The following CDH13 variants were observed in gnomAD, a reference collection of about 807,000 sequenced individuals.
CDH13 encodes cadherin 13, also known as cadherin-13.
Under a neutral mutation model 63.8 loss-of-function variants are expected in CDH13, and 24 were observed. The observed-to-expected ratio is 0.38, with a 90% CI of 0.27 to 0.53. The LOEUF (loss-of-function observed/expected upper bound fraction) is 0.53. CDH13 is among the 20% of genes least tolerant of loss of function. The pLI, the probability that CDH13 is intolerant of heterozygous loss-of-function variation, is 0.85. For synonymous variants in CDH13, 503 were observed against 355.3 expected, an observed-to-expected ratio of 1.42 and a Z score of -4.67; for missense variants, 1,049 against 903.1, an observed-to-expected ratio of 1.16 and a Z score of -2.07.
In CDH13 at chr16:83,486,503, T is replaced by G. The variant is rs758191675; in HGVS notation, c.808T>G (p.Phe270Val). 4 of 1,613,766 alleles carry G rather than the reference T, an allele frequency of 2.5e-6. No homozygotes were observed. In the South Asian group the frequency reaches 3.3e-5, roughly 13 times the overall value. Residue 270 changes from phenylalanine (F) to valine (V), a missense_variant, in exon 7 of 14, where the codon TTT (phenylalanine) becomes GTT (valine). Physicochemically the swap from Phe to Val is conservative, Grantham distance 50. Transcript: ENST00000567109. ...CACCACAGTGATGCGGATGACAGCCTTTGATGCAGATGACCCAGCCACCGA... is the reference window on the plus strand; with the variant it reads ...CACCACAGTGATGCGGATGACAGCCGTTGATGCAGATGACCCAGCCACCGA... ...TGTTVMRMTA[F>V]DADDPATDNA...
chr16:83,729,994 A>G (rs949640872), intron 10 of CDH13, among the ~76,000 whole-genome samples: 26 of 152,214 alleles, frequency 1.7e-4, no homozygotes, highest in South Asian at 6.2e-4. Flanking sequence ...AGCCTGCCAC[A>G]TGTTTGCATG....
At chr16:82,702,110 C>T (rs1382364014) in intron 1 of CDH13, among the ~76,000 whole-genome samples, 1 of 152,202 alleles carries the variant, frequency 6.6e-6, no homozygotes, top group Non-Finnish European at 1.5e-5. Flanking sequence ...GTCCCCTGCT[C>T]TAAATGGCTC....
chr16:83,472,251 C>G (rs1328538023), intron 6 of CDH13, among the ~76,000 whole-genome samples: 2 of 152,220 alleles, frequency 1.3e-5, no homozygotes, highest in Non-Finnish European at 2.9e-5. Flanking sequence ...GGGACTCTGT[C>G]TCCTGTGGGC....
At chr16:83,118,941 A>G (rs148407108) in intron 3 of CDH13, among the ~76,000 whole-genome samples, 2 of 152,062 alleles carry the variant, frequency 1.3e-5, no homozygotes, top group African/African-American at 4.8e-5. Flanking sequence ...TTCTTCCTCA[A>G]GGTCAGCCCC....
At chr16:83,402,045 C>G (rs1288343105) in intron 6 of CDH13, among the ~76,000 whole-genome samples, 2 of 149,488 alleles carry the variant, frequency 1.3e-5, no homozygotes, top group Non-Finnish European at 3.0e-5. Flanking sequence ...TATCTTTTTT[C>G]TTTCTCATTG....
chr16:83,228,928 G>A (rs2039924107), intron 5 of CDH13, among the ~76,000 whole-genome samples: 1 of 152,198 alleles, frequency 6.6e-6, no homozygotes, highest in African/African-American at 2.4e-5. Context: ...TGAAGCCAGA[G>A]TGACACACAT....
intron 1 of CDH13, among the ~76,000 whole-genome samples, chr16:82,820,867 A>C (rs2037973224): frequency 6.6e-6 from 1 of 151,948 alleles, no homozygotes; most frequent in African/African-American, 2.4e-5. Flanking sequence ...GACTGCAAAA[A>C]ATGTGGTAGA....
chr16:82,780,130 T>G (rs1241035910), intron 1 of CDH13, among the ~76,000 whole-genome samples: 1 of 152,166 alleles, frequency 6.6e-6, no homozygotes, highest in Non-Finnish European at 1.5e-5. Context: ...TGCAGAGACT[T>G]CTGCTCCCTT....
chr16:82,819,693 A>G (rs2037906042), intron 1 of CDH13, among the ~76,000 whole-genome samples: 1 of 152,212 alleles, frequency 6.6e-6, no homozygotes, highest in African/African-American at 2.4e-5. Context: ...GAAGGGAGGC[A>G]AGTCCGTCCT....
At chr16:82,743,080 T>C (rs1348048306) in intron 1 of CDH13, among the ~76,000 whole-genome samples, 1 of 152,246 alleles carries the variant, frequency 6.6e-6, no homozygotes, top group African/African-American at 2.4e-5. Flanking sequence ...CCCATGTATG[T>C]AGCGCCCACA....
chr16:82,828,574 A>G (rs971527215), intron 1 of CDH13, among the ~76,000 whole-genome samples: 9 of 152,050 alleles, frequency 5.9e-5, no homozygotes, highest in African/African-American at 1.9e-4. Flanking sequence ...TTGCAGTGAG[A>G]TCACACCACT....
chr16:82,939,467 G>T (rs1330574921), intron 2 of CDH13, among the ~76,000 whole-genome samples: 1 of 137,324 alleles, frequency 7.3e-6, no homozygotes, highest in Non-Finnish European at 1.6e-5. Flanking sequence ...GAGGGAGAGG[G>T]AGAGAGGGAG....
intron 4 of CDH13, among the ~76,000 whole-genome samples, chr16:83,195,514 G>A (rs1454366160): frequency 2.0e-5 from 3 of 151,998 alleles, no homozygotes; most frequent in East Asian, 3.9e-4. Flanking sequence ...GATGGGGGAG[G>A]TGCTATACAG....
chr16:83,273,257 G>T (rs1177002810), intron 5 of CDH13, among the ~76,000 whole-genome samples: 1 of 151,858 alleles, frequency 6.6e-6, no homozygotes, highest in African/African-American at 2.4e-5. Context: ...ACAGAGGTTT[G>T]GTGTACAGAC....
Position 83,673,005 on chromosome 16 carries a change from A to G in CDH13, c.1284+2033A>G, listed in dbSNP as rs114806263. Among the ~76,000 whole-genome samples, 58 of 152,348 alleles carry G rather than the reference A, an allele frequency of 3.8e-4. 1 individual carries two copies. Among genetic ancestry groups the G allele is most frequent in the African/African-American group, 1.3e-3 (52 of 41,578 alleles). On this transcript the variant is annotated intron_variant, in intron 9 of 13. Coordinates refer to ENST00000567109, the MANE Select transcript of CDH13 (RefSeq NM_001257.5). ...TTCCTAATAACTTTGCCATTGCCCA[A>G]TACATTAGTGCTTTTATGTACTTCG... is the stretch of plus-strand genomic sequence containing the variant.
At chr16:82,814,838 G>A (rs1040949019) in intron 1 of CDH13, among the ~76,000 whole-genome samples, 2 of 152,018 alleles carry the variant, frequency 1.3e-5, no homozygotes, top group African/African-American at 4.8e-5. Flanking sequence ...GGACAGTCTT[G>A]GAGGACCTGT....
chr16:82,672,742 C>T (rs1277280353), intron 1 of CDH13, among the ~76,000 whole-genome samples: 1 of 150,236 alleles, frequency 6.7e-6, no homozygotes, highest in Non-Finnish European at 1.5e-5. Context: ...TCTCATGTTT[C>T]CTTTAAGAAA....
intron 3 of CDH13, among the ~76,000 whole-genome samples, chr16:83,044,720 G>C (rs925233137): frequency 1.3e-5 from 2 of 152,230 alleles, no homozygotes; most frequent in Non-Finnish European, 2.9e-5. Flanking sequence ...AGTGAGGACA[G>C]TGAGACTCAG....
chr16:82,996,869 G>T (rs1912265881), intron 2 of CDH13, among the ~76,000 whole-genome samples: 1 of 151,932 alleles, frequency 6.6e-6, no homozygotes, highest in Non-Finnish European at 1.5e-5. Context: ...TGGTGGTGAT[G>T]ATGATTCTAG....
Sources: gnomAD v4.1 joint callset for allele counts (sites outside exome capture counted in the v4.1 genomes callset) on GRCh38, gnomAD v4.1.1 for gene constraint, MANE v1.5 for transcripts, NCBI Gene and HGNC (gene_info 2026-07-23, HGNC 2026-07-21) for gene names.